Variants in PLEKHG1 observed in about 807,000 individuals in gnomAD.
PLEKHG1 encodes the protein pleckstrin homology domain-containing family G member 1.
A neutral mutation model predicts 100.8 loss-of-function variants in PLEKHG1; 44 were observed. The observed-to-expected ratio is 0.44, with a 90% CI of 0.34 to 0.56. The LOEUF is 0.56. Among genes scored for constraint, PLEKHG1 ranks in the 20% least tolerant of loss-of-function variants. The pLI, the probability that PLEKHG1 is intolerant of heterozygous loss-of-function variation, is 0.01. For synonymous variants in PLEKHG1, 640 were observed against 662.5 expected, an observed-to-expected ratio of 0.97 and a Z score of 0.52; for missense variants, 1,545 against 1,720.9, an observed-to-expected ratio of 0.90 and a Z score of 1.81.
At chr6:150,772,848 T>G (rs1784776224) in intron 3 of PLEKHG1, among the ~76,000 whole-genome samples, 2 of 152,218 alleles carry the variant, frequency 1.3e-5, no homozygotes, top group South Asian at 4.1e-4. Flanking sequence ...CTGGCTCATA[T>G]CCATTGCCCA....
At chr6:150,807,440 T>C (rs1236970855) in intron 7 of PLEKHG1, among the ~76,000 whole-genome samples, 2 of 152,212 alleles carry the variant, frequency 1.3e-5, no homozygotes, top group Non-Finnish European at 2.9e-5. Flanking sequence ...ATTTCTGTTT[T>C]CAACCAGTAA....
At chr6:150,611,382 A>T (rs1054063403) in intron 1 of PLEKHG1, among the ~76,000 whole-genome samples, 2 of 152,260 alleles carry the variant, frequency 1.3e-5, no homozygotes, top group African/African-American at 4.8e-5. Flanking sequence ...GCTAAACTGC[A>T]TTGTAGAATG....
At chr6:150,763,894 G>GC (rs1263966862) in intron 2 of PLEKHG1, among the ~76,000 whole-genome samples, 1 of 152,158 alleles carries the variant, frequency 6.6e-6, no homozygotes, top group Non-Finnish European at 1.5e-5. Context: ...AGAGAGAGGA[G>GC]CCCCAGACTT....
chr6:150,800,980 C>T lies in PLEKHG1; in HGVS notation c.780+111C>T, dbSNP rs957363765. The T allele has an allele frequency of 4.7e-6, 4 of 846,812 alleles. No individual in the cohort carries two copies. The South Asian group carries it at 6.5e-5, about 14-fold the overall frequency. 52.5% of individuals were successfully genotyped at this position (846,812 alleles called of 1,614,324 possible). A position where few individuals can be genotyped will look rare whatever the true frequency, so the allele number is the denominator to read the frequency against. On this transcript the variant is annotated intron_variant, in intron 6 of 15. Transcript: ENST00000358517. ...GCTATGGACATATGGAAACATTTCC[C>T]ACACTCATATTTCACAACTGACTAA...
chr6:150,662,570 C>G (rs1562419480), intron 3 of PLEKHG1: 1 of 152,096 alleles, frequency 6.6e-6, no homozygotes, highest in Non-Finnish European at 1.5e-5. Flanking sequence ...TGTGCGCCAC[C>G]CCACCTGGCT....
At chr6:150,663,707 C>T (rs1302065713) in intron 3 of PLEKHG1, 1 of 152,100 alleles carries the variant, frequency 6.6e-6, no homozygotes, top group Non-Finnish European at 1.5e-5. Context: ...GCACCCGCCA[C>T]CACGCCTAGC....
intron 1 of PLEKHG1, among the ~76,000 whole-genome samples, chr6:150,730,363 C>T (rs1205286924): frequency 6.6e-6 from 1 of 151,758 alleles, no homozygotes; most frequent in Admixed American, 6.6e-5. Flanking sequence ...AGTGGGGATG[C>T]TTTCAGGATG....
chr6:150,639,192 C>G (rs1200588989), intron 2 of PLEKHG1, among the ~76,000 whole-genome samples: 3 of 152,152 alleles, frequency 2.0e-5, no homozygotes, highest in African/African-American at 7.2e-5. Context: ...TAAAATTGAA[C>G]TGTCTTAAAA....
At chr6:150,809,652 A>G in exon 10 of PLEKHG1, 1 of 1,613,916 alleles carries the variant, frequency 6.2e-7, no homozygotes, top group Non-Finnish European at 8.5e-7. Flanking sequence ...TGGCAGGCCA[A>G]ATCCCAGCAA....
intron 3 of PLEKHG1, among the ~76,000 whole-genome samples, chr6:150,690,854 T>A (rs1391800614): frequency 6.6e-6 from 1 of 152,248 alleles, no homozygotes; most frequent in African/African-American, 2.4e-5. Flanking sequence ...AATTCTGTTC[T>A]CCTGCTTTTG....
chr6:150,628,579 C>CT (rs1777612461), intron 1 of PLEKHG1, among the ~76,000 whole-genome samples: 1 of 150,692 alleles, frequency 6.6e-6, no homozygotes, highest in African/African-American at 2.4e-5. Flanking sequence ...CACACACACC[C>CT]CGTCCTTGCC....
chr6:150,746,871 C>A (rs1228906707), intron 2 of PLEKHG1, among the ~76,000 whole-genome samples: 1 of 152,206 alleles, frequency 6.6e-6, no homozygotes, highest in African/African-American at 2.4e-5. Context: ...TTTTCATGGA[C>A]ATAACTAGGT....
At chr6:150,690,561 A>G (rs914622400) in intron 3 of PLEKHG1, among the ~76,000 whole-genome samples, 1 of 152,220 alleles carries the variant, frequency 6.6e-6, no homozygotes, top group Non-Finnish European at 1.5e-5. Context: ...GTAAGCATGC[A>G]TATATTTGTG....
chr6:150,620,856 GC>G (rs1777269854), intron 1 of PLEKHG1, among the ~76,000 whole-genome samples: 1 of 152,188 alleles, frequency 6.6e-6, no homozygotes, highest in Non-Finnish European at 1.5e-5. Context: ...AATGATCAGT[GC>G]CATGAAGAAT....
At chr6:150,697,272 G>A (rs1296735407) in intron 3 of PLEKHG1, among the ~76,000 whole-genome samples, 2 of 152,180 alleles carry the variant, frequency 1.3e-5, no homozygotes, top group African/African-American at 4.8e-5. Flanking sequence ...GGATAAAATG[G>A]TAAAGTTTCC....
intron 10 of PLEKHG1, among the ~76,000 whole-genome samples, chr6:150,817,759 T>C (rs1356022039): frequency 6.6e-6 from 1 of 152,052 alleles, no homozygotes; most frequent in Non-Finnish European, 1.5e-5. Flanking sequence ...GGTTTCACCA[T>C]ATTGGCCAGG....
At chr6:150,780,557 G>T (rs749798528) in intron 3 of PLEKHG1, among the ~76,000 whole-genome samples, 1 of 151,880 alleles carries the variant, frequency 6.6e-6, no homozygotes, top group Non-Finnish European at 1.5e-5. Flanking sequence ...CATTTACCCC[G>T]AGATAACTTT....
chr6:150,828,010 T>C, intron 14 of PLEKHG1: 1 of 1,613,082 alleles, frequency 6.2e-7, no homozygotes, highest in South Asian at 1.1e-5. Context: ...TTGTGGGTCA[T>C]CTTGCACCTT....
At chr6:150,648,675 G>A (rs1473195167) in intron 2 of PLEKHG1, among the ~76,000 whole-genome samples, 1 of 152,042 alleles carries the variant, frequency 6.6e-6, no homozygotes, top group Non-Finnish European at 1.5e-5. Context: ...TCAGATTTGT[G>A]CTGGCTTTAT....
Sources: gnomAD v4.1 joint callset for allele counts (sites outside exome capture counted in the v4.1 genomes callset) on GRCh38, gnomAD v4.1.1 for gene constraint, MANE v1.5 for transcripts, NCBI Gene and HGNC (gene_info 2026-07-23, HGNC 2026-07-21) for gene names.